The following LDB2 variants were observed in gnomAD, a reference collection of about 807,000 sequenced individuals.
LDB2 encodes LIM domain-binding protein 2.
In LDB2, 12 loss-of-function variants were observed where a neutral mutation model predicts 44.3. The observed-to-expected ratio is 0.27, with a 90% CI of 0.17 to 0.44. LDB2 has a LOEUF of 0.44. LDB2 is among the 20% of genes least tolerant of loss of function. LDB2 has a pLI of 1.00. For missense variants in LDB2, 344 were observed against 473.5 expected (o/e 0.73, Z 2.54); for synonymous variants, 164 against 174.8 (o/e 0.94, Z 0.49).
chr4:16,752,880 T>C (rs1248583130), intron 2 of LDB2, among the ~76,000 whole-genome samples: 2 of 145,020 alleles, frequency 1.4e-5, no homozygotes, highest in Admixed American at 1.4e-4. Flanking sequence ...TCTCAATGGA[T>C]GGAAAAAAAA....
At chr4:16,602,277 G>A (rs899386150) in intron 2 of LDB2, among the ~76,000 whole-genome samples, 12 of 152,176 alleles carry the variant, frequency 7.9e-5, no homozygotes, top group South Asian at 2.1e-4. Flanking sequence ...GAAGGCTGCC[G>A]TGAAAAAGTG....
At chr4:16,655,907 T>TTTTTTA in intron 2 of LDB2, among the ~76,000 whole-genome samples, 1 of 138,500 alleles carries the variant, frequency 7.2e-6, no homozygotes, top group South Asian at 2.4e-4. Context: ...TTTTTTTTTT[T>TTTTTTA]TTTTTTTTTT....
chr4:16,751,583 G>A (rs1403803676), intron 2 of LDB2, among the ~76,000 whole-genome samples: 1 of 152,162 alleles, frequency 6.6e-6, no homozygotes, highest in Non-Finnish European at 1.5e-5. Context: ...TTTATGACTA[G>A]TCCTAGATTT....
At chr4:16,698,649 A>T (rs886930915) in intron 2 of LDB2, among the ~76,000 whole-genome samples, 4 of 152,014 alleles carry the variant, frequency 2.6e-5, no homozygotes, top group Non-Finnish European at 5.9e-5. Flanking sequence ...AATTAAGAAA[A>T]TTTGTTTTAT....
Position 16,650,466 on chromosome 4 carries a change from A to G in LDB2, c.236-54591T>C, listed in dbSNP as rs1176347396. On this transcript the variant is annotated intron_variant, in intron 2 of 7. Transcript: ENST00000304523. Reference sequence around the variant, plus strand: ...CATGTTGTGTGCTGGGGTTACAAAGAATCTGAATTCAGGACAATTTTTATA... The same window carrying G: ...CATGTTGTGTGCTGGGGTTACAAAGGATCTGAATTCAGGACAATTTTTATA... Among the ~76,000 whole-genome samples the G allele has an allele frequency of 2.0e-5, 3 of 152,284 alleles. No individual in the cohort carries two copies. The East Asian group carries it at 5.8e-4, about 29-fold the overall frequency.
chr4:16,514,932 A>C lies in LDB2; in HGVS notation c.616-2828T>G, dbSNP rs1413710240. Reference sequence around the variant, plus strand: ...AAGAATTCCTTGCTGATCCCACTACAGGGTATATCCCCAAATGAAGATAAA... The same window carrying C: ...AAGAATTCCTTGCTGATCCCACTACCGGGTATATCCCCAAATGAAGATAAA... On this transcript the variant is annotated intron_variant, in intron 5 of 7. Transcript: ENST00000304523. 3.9e-5 allele frequency among the ~76,000 whole-genome samples: 6 copies of C among 152,218 alleles called. No homozygotes were observed. In the East Asian group the frequency reaches 1.2e-3, roughly 29 times the overall value.
intron 1 of LDB2, among the ~76,000 whole-genome samples, chr4:16,867,518 A>G (rs1715105429): frequency 6.6e-6 from 1 of 152,172 alleles, no homozygotes; most frequent in Non-Finnish European, 1.5e-5. Flanking sequence ...ATGCCAATAG[A>G]AAACAGGAAC....
chr4:16,546,714 G>C (rs1282595201), intron 5 of LDB2, among the ~76,000 whole-genome samples: 2 of 152,160 alleles, frequency 1.3e-5, no homozygotes, highest in African/African-American at 4.8e-5. Flanking sequence ...CCACCACTGT[G>C]TATGTTCCAC....
chr4:16,713,410 G>A (rs1480820835), intron 2 of LDB2, among the ~76,000 whole-genome samples: 1 of 151,912 alleles, frequency 6.6e-6, no homozygotes, highest in Non-Finnish European at 1.5e-5. Context: ...GAAGTGATGA[G>A]GGGAACTAAC....
rs546088942 is a variant in LDB2, at chr4:16,787,847, T to C, written c.133-28587A>G. ...TAGCTAGTGAGTTTAACAAAGCACATGGACACTGCAGACACTCAAAATATT... is the reference window on the plus strand; with the variant it reads ...TAGCTAGTGAGTTTAACAAAGCACACGGACACTGCAGACACTCAAAATATT... On this transcript the variant is annotated intron_variant, in intron 1 of 7. Transcript: ENST00000304523. Among the ~76,000 whole-genome samples, 10 of 152,306 alleles carry C rather than the reference T, an allele frequency of 6.6e-5. No homozygotes were observed. The South Asian group carries it at 2.1e-3, about 32-fold the overall frequency.
intron 2 of LDB2, among the ~76,000 whole-genome samples, chr4:16,692,402 G>A: frequency 6.6e-6 from 1 of 152,118 alleles, no homozygotes; most frequent in East Asian, 1.9e-4. Flanking sequence ...CTTGCCCTTA[G>A]GGATGTATCT....
At chr4:16,784,819 C>A (rs1774042099) in intron 1 of LDB2, among the ~76,000 whole-genome samples, 1 of 152,160 alleles carries the variant, frequency 6.6e-6, no homozygotes, top group African/African-American at 2.4e-5. Context: ...ATGCACTCTG[C>A]ATCTGGTTTT....
At chr4:16,803,627 A>G (rs962122515) in intron 1 of LDB2, among the ~76,000 whole-genome samples, 1 of 152,200 alleles carries the variant, frequency 6.6e-6, no homozygotes, top group Non-Finnish European at 1.5e-5. Context: ...TTTTTCAACC[A>G]TATATCATGA....
chr4:16,894,193 G>A (rs773881671), intron 1 of LDB2, among the ~76,000 whole-genome samples: 1 of 152,068 alleles, frequency 6.6e-6, no homozygotes, highest in African/African-American at 2.4e-5. Flanking sequence ...TAATTGTGCG[G>A]TTGTATTCTT....
intron 2 of LDB2, among the ~76,000 whole-genome samples, chr4:16,703,187 C>T (rs1025711558): frequency 6.6e-6 from 1 of 152,136 alleles, no homozygotes; most frequent in African/African-American, 2.4e-5. Context: ...ATAGATGAAA[C>T]AGGATGACCT....
At chr4:16,535,752 A>G (rs1501144) in intron 5 of LDB2, among the ~76,000 whole-genome samples, 38,246 of 152,126 alleles carry the variant, frequency 0.25, 5,192 homozygotes, top group East Asian at 0.53. Flanking sequence ...TAAGCCCTAT[A>G]CTGGGCAATT....
At chr4:16,655,058 C>G (rs988025389) in intron 2 of LDB2, among the ~76,000 whole-genome samples, 2 of 152,078 alleles carry the variant, frequency 1.3e-5, no homozygotes, top group Admixed American at 6.6e-5. Flanking sequence ...CCTATTTTGC[C>G]CGATCTGAAA....
intron 5 of LDB2, among the ~76,000 whole-genome samples, chr4:16,568,080 T>A (rs1452493961): frequency 6.6e-6 from 1 of 152,214 alleles, no homozygotes; most frequent in Admixed American, 6.5e-5. Flanking sequence ...AAATAGTGAA[T>A]ATTTAACAAT....
In LDB2 at chr4:16,505,328, CTTAG is replaced by C. The variant is rs890774912; in HGVS notation, c.892-2459_892-2456del. ...TATATAAAATATCCCTAGCTAGATA[CTTAG>C]TTGTGTGTGTGTGTGAGAGAGAGAG... On this transcript the variant is annotated intron_variant, in intron 7 of 7. Coordinates refer to ENST00000304523, the MANE Select transcript of LDB2 (RefSeq NM_001290.5). Among the ~76,000 whole-genome samples the C allele has an allele frequency of 3.3e-5, 5 of 151,668 alleles. No homozygotes were observed. The East Asian group carries it at 5.9e-4, about 18-fold the overall frequency.
Sources: gnomAD v4.1 joint callset for allele counts (sites outside exome capture counted in the v4.1 genomes callset) on GRCh38, gnomAD v4.1.1 for gene constraint, MANE v1.5 for transcripts, NCBI Gene and HGNC (gene_info 2026-07-23, HGNC 2026-07-21) for gene names.